The following ROBO1 variants were observed in gnomAD, a reference collection of about 807,000 sequenced individuals.
ROBO1 encodes roundabout guidance receptor 1.
Under a neutral mutation model 195.9 loss-of-function variants are expected in ROBO1, and 149 were observed. The observed-to-expected ratio is 0.76, with a 90% CI of 0.67 to 0.87. The LOEUF (loss-of-function observed/expected upper bound fraction) is 0.87. ROBO1 is among the 40% of genes least tolerant of loss of function. The pLI, the probability that ROBO1 is intolerant of heterozygous loss-of-function variation, is 0.00. For missense variants in ROBO1, 1,933 were observed against 2,068.3 expected, an observed-to-expected ratio of 0.93 and a Z score of 1.27; for synonymous variants, 816 against 733.2, an observed-to-expected ratio of 1.11 and a Z score of -1.82.
chr3:79,048,978 A>G (rs2078646758), intron 3 of ROBO1, among the ~76,000 whole-genome samples: 1 of 152,160 alleles, frequency 6.6e-6, no homozygotes, highest in African/African-American at 2.4e-5. Context: ...CAAAAACCAG[A>G]GCACCTCTTC....
At chr3:78,645,989 CT>C (rs1706258060) in intron 21 of ROBO1, among the ~76,000 whole-genome samples, 158 bp downstream of exon 21, 1 of 152,014 alleles carries the variant, frequency 6.6e-6, no homozygotes, top group Non-Finnish European at 1.5e-5. Flanking sequence ...GTGTAAACAG[CT>C]TGTTTCAACA....
At chr3:79,624,475 C>G (rs1945106007) in intron 1 of ROBO1, among the ~76,000 whole-genome samples, 1 of 151,812 alleles carries the variant, frequency 6.6e-6, no homozygotes, top group Admixed American at 6.6e-5. Context: ...AAAAGACACA[C>G]ATAGGCTCAA....
intron 3 of ROBO1, among the ~76,000 whole-genome samples, chr3:78,962,696 C>T (rs1377478965): frequency 1.3e-5 from 2 of 151,666 alleles, no homozygotes; most frequent in African/African-American, 2.4e-5. Context: ...GTGGTGGCGG[C>T]GCCTGTAGTC....
chr3:79,259,723 G>A (rs912023842), intron 2 of ROBO1, among the ~76,000 whole-genome samples: 2 of 151,896 alleles, frequency 1.3e-5, no homozygotes, highest in Admixed American at 1.3e-4. Flanking sequence ...AACTCTATAA[G>A]AAAAAATCTA....
At chr3:79,384,904 T>C (rs541372303) in intron 2 of ROBO1, among the ~76,000 whole-genome samples, 8 of 152,194 alleles carry the variant, frequency 5.3e-5, no homozygotes, top group African/African-American at 1.7e-4. Flanking sequence ...AAATCTCCGA[T>C]ACAGGAAAGT....
intron 4 of ROBO1, among the ~76,000 whole-genome samples, chr3:78,900,140 A>T (rs2037496239): frequency 6.6e-6 from 1 of 152,188 alleles, no homozygotes; most frequent in African/African-American, 2.4e-5. Context: ...GTTCAACCAC[A>T]AGAAAACAAA....
At chr3:78,947,406 C>A (rs2040506554) in intron 3 of ROBO1, among the ~76,000 whole-genome samples, 1 of 152,162 alleles carries the variant, frequency 6.6e-6, no homozygotes, top group Non-Finnish European at 1.5e-5. Context: ...AACTGAAATA[C>A]CTGCTCCTGA....
chr3:79,740,029 TTA>T (rs950593276), intron 1 of ROBO1, among the ~76,000 whole-genome samples: 11 of 151,752 alleles, frequency 7.2e-5, no homozygotes, highest in African/African-American at 2.4e-4. Context: ...TTTCTTTATT[TTA>T]TGACATAGCA....
intron 8 of ROBO1, among the ~76,000 whole-genome samples, chr3:78,696,689 CATAT>C (rs557253741): frequency 6.9e-6 from 1 of 145,874 alleles, no homozygotes; most frequent in Non-Finnish European, 1.5e-5. Context: ...TGTATACATA[CATAT>C]ATATATACAC....
In ROBO1 at chr3:78,711,348, C is replaced by CTCCTTCCTTTCTTTCT. The variant is rs2081698663; in HGVS notation, c.1045+3048_1045+3049insAGAAAGAAAGGAAGGA. On this transcript the variant is annotated intron_variant, in intron 8 of 30. Transcript: ENST00000464233. ...CTCTCCTTCCTTCCTTCCTTCCTTC[C>CTCCTTCCTTTCTTTCT]TCCTTCCTTCCTTCCTTCCTTCCTT... 7.1e-4 allele frequency among the ~76,000 whole-genome samples: 39 copies of CTCCTTCCTTTCTTTCT among 54,688 alleles called. 3 individuals carry two copies. Among genetic ancestry groups the CTCCTTCCTTTCTTTCT allele is most frequent in the African/African-American group, 3.1e-3 (34 of 10,918 alleles). 35.9% of individuals were successfully genotyped at this position (54,688 alleles called of 152,430 possible).
chr3:78,946,736 T>A (rs915216735), intron 3 of ROBO1, among the ~76,000 whole-genome samples: 1 of 152,092 alleles, frequency 6.6e-6, no homozygotes, highest in African/African-American at 2.4e-5. Context: ...ACAAATTGGA[T>A]AAAGAGTCAA....
intron 3 of ROBO1, among the ~76,000 whole-genome samples, chr3:79,035,729 TAAA>T (rs778129211): frequency 7.3e-6 from 1 of 136,246 alleles, no homozygotes. Flanking sequence ...AGACTTTATC[TAAA>T]AAAAAAAAAA....
intron 1 of ROBO1, among the ~76,000 whole-genome samples, chr3:79,653,713 G>A (rs910091673): frequency 6.6e-6 from 1 of 151,848 alleles, no homozygotes; most frequent in African/African-American, 2.4e-5. Context: ...CAGTTCCTAG[G>A]GAAAGAGGTT....
At chr3:79,006,862 T>A (rs1227711982) in intron 3 of ROBO1, among the ~76,000 whole-genome samples, 1 of 152,014 alleles carries the variant, frequency 6.6e-6, no homozygotes, top group Non-Finnish European at 1.5e-5. Context: ...AAAAGACCAG[T>A]TATCTAGCTT....
Position 78,643,418 on chromosome 3 carries a change from T to G in ROBO1, c.2882+2730A>C, listed in dbSNP as rs566333842. The stretch of plus-strand genomic sequence containing the variant: ...CGCACTTCATTGAGGTAATTCCACA[T>G]TAGAGAGTTAATGGAGGGCATAGTA... On this transcript the variant is annotated intron_variant, in intron 21 of 30. Transcript: ENST00000464233. Among the ~76,000 whole-genome samples the G allele has an allele frequency of 1.8e-4, 28 of 152,198 alleles. No homozygotes were observed. In the South Asian group the frequency reaches 5.0e-3, roughly 27 times the overall value.
intron 2 of ROBO1, among the ~76,000 whole-genome samples, chr3:79,277,288 CA>C (rs1017293231): frequency 5.3e-5 from 8 of 151,886 alleles, no homozygotes; most frequent in African/African-American, 1.7e-4. Context: ...TATTCAGCCA[CA>C]AAAAAATTAG....
At chr3:79,265,940 C>T (rs543979980) in intron 2 of ROBO1, among the ~76,000 whole-genome samples, 1 of 150,946 alleles carries the variant, frequency 6.6e-6, no homozygotes, top group Non-Finnish European at 1.5e-5. Context: ...CAACACTAAT[C>T]CATGACAAGA....
At chr3:79,347,217 A>G (rs1266447874) in intron 2 of ROBO1, among the ~76,000 whole-genome samples, 2 of 152,152 alleles carry the variant, frequency 1.3e-5, no homozygotes, top group African/African-American at 4.8e-5. Flanking sequence ...TATTTTCTAA[A>G]TATTTCCATA....
At chr3:78,824,307 T>C (rs1040898960) in intron 4 of ROBO1, among the ~76,000 whole-genome samples, 2 of 152,146 alleles carry the variant, frequency 1.3e-5, no homozygotes, top group Admixed American at 1.3e-4. Flanking sequence ...ACGACTACTT[T>C]TGCACCAAGC....
Sources: allele counts gnomAD v4.1 joint callset (sites outside exome capture counted in the v4.1 genomes callset), GRCh38; gene constraint gnomAD v4.1.1; transcripts MANE v1.5; gene names NCBI Gene and HGNC (gene_info 2026-07-23, HGNC 2026-07-21).